The following BBS9 variants were observed in gnomAD, a reference collection of about 807,000 sequenced individuals.
The protein encoded by BBS9 is Bardet-Biedl syndrome 9.
In BBS9, 89 loss-of-function variants were observed where a neutral mutation model predicts 117.7. That is an observed-to-expected ratio of 0.76 (90% CI 0.64 to 0.90). The LOEUF (loss-of-function observed/expected upper bound fraction) is 0.90. Ranked by LOEUF, BBS9 falls within the 40% of genes least tolerant of loss-of-function variation. BBS9 has a pLI of 0.00. For synonymous variants in BBS9, 379 were observed against 370.9 expected, an observed-to-expected ratio of 1.02 and a Z score of -0.25; for missense variants, 982 against 1,042.2, an observed-to-expected ratio of 0.94 and a Z score of 0.80.
intron 19 of BBS9, among the ~76,000 whole-genome samples, chr7:33,504,197 T>A (rs1275694479): frequency 1.3e-5 from 2 of 152,238 alleles, no homozygotes; most frequent in South Asian, 2.1e-4. Flanking sequence ...CGTTTAAACT[T>A]CCATGCCTCC....
rs562654347 is a variant in BBS9 at position 33,142,004 on chromosome 7, C to T, written c.-11-4238C>T. Among the ~76,000 whole-genome samples, 13 of 151,908 alleles carry T rather than the reference C, an allele frequency of 8.6e-5. No homozygotes were observed. In the South Asian group the frequency reaches 2.1e-3, roughly 24 times the overall value. ...AGGCCGGACTGCAGTGGTGCTATCT[C>T]GGCTCACTGCAAGCTCTGCCTCCCG... On this transcript the variant is annotated intron_variant, in intron 1 of 22. Coordinates refer to ENST00000242067, the MANE Select transcript of BBS9 (RefSeq NM_198428.3).
chr7:33,344,716 T>A, intron 12 of BBS9, 82 bp downstream of exon 12: 2 of 1,379,254 alleles, frequency 1.5e-6, no homozygotes, highest in Non-Finnish European at 2.1e-6. Context: ...AACTTGTAAG[T>A]AGCTTACAGA....
intron 5 of BBS9, among the ~76,000 whole-genome samples, chr7:33,221,891 A>G (rs1403613607): frequency 6.7e-6 from 1 of 149,446 alleles, no homozygotes; most frequent in Non-Finnish European, 1.5e-5. Flanking sequence ...GAAATGCTTA[A>G]AAATCATATA....
At chr7:33,197,281 G>A (rs1407830535) in intron 5 of BBS9, among the ~76,000 whole-genome samples, 1 of 152,038 alleles carries the variant, frequency 6.6e-6, no homozygotes, top group Non-Finnish European at 1.5e-5. Flanking sequence ...TTTTTAAACA[G>A]TGGAGTAATG....
chr7:33,507,495 C>T (rs894936677), intron 20 of BBS9, among the ~76,000 whole-genome samples: 9 of 152,154 alleles, frequency 5.9e-5, no homozygotes, highest in African/African-American at 1.9e-4. Context: ...CCTTCTGCCT[C>T]GGCCTCCCAA....
intron 19 of BBS9, among the ~76,000 whole-genome samples, chr7:33,484,481 G>A (rs1842844532): frequency 6.6e-6 from 1 of 151,806 alleles, no homozygotes; most frequent in Admixed American, 6.6e-5. Flanking sequence ...TTGCTTTTTT[G>A]TTTTTTGTTG....
At chr7:33,602,945 T>G (rs1864021837) in intron 21 of BBS9, among the ~76,000 whole-genome samples, 1 of 152,164 alleles carries the variant, frequency 6.6e-6, no homozygotes, top group African/African-American at 2.4e-5. Context: ...TGATAATCTA[T>G]AGCAACTGGC....
intron 21 of BBS9, among the ~76,000 whole-genome samples, chr7:33,630,953 G>C (rs1329214407): frequency 6.6e-6 from 1 of 152,172 alleles, no homozygotes; most frequent in African/African-American, 2.4e-5. Flanking sequence ...ACAGCCAAGT[G>C]GGGGGAAATA....
At chr7:33,131,942 G>C (rs1244351251) in intron 1 of BBS9, among the ~76,000 whole-genome samples, 1 of 152,174 alleles carries the variant, frequency 6.6e-6, no homozygotes, top group Non-Finnish European at 1.5e-5. Flanking sequence ...GTCAAGTGAA[G>C]AGTATAGAAG....
chr7:33,508,986 G>T (rs749014988), intron 20 of BBS9, among the ~76,000 whole-genome samples: 1 of 152,176 alleles, frequency 6.6e-6, no homozygotes, highest in Non-Finnish European at 1.5e-5. Flanking sequence ...TACCCTGCCT[G>T]TACATTCTCT....
intron 19 of BBS9, among the ~76,000 whole-genome samples, chr7:33,504,148 G>C (rs931497750): frequency 6.6e-6 from 1 of 152,114 alleles, no homozygotes; most frequent in African/African-American, 2.4e-5. Context: ...ACAGTACTAG[G>C]CACATAGCAA....
intron 21 of BBS9, among the ~76,000 whole-genome samples, chr7:33,585,644 A>G (rs1271701403): frequency 6.6e-6 from 1 of 152,116 alleles, no homozygotes; most frequent in East Asian, 1.9e-4. Flanking sequence ...CTAGCACATA[A>G]GTGCTAAAAA....
At chr7:33,577,643 G>C (rs986412143) in intron 21 of BBS9, among the ~76,000 whole-genome samples, 5 of 152,110 alleles carry the variant, frequency 3.3e-5, no homozygotes, top group Non-Finnish European at 7.4e-5. Context: ...CAAAGACTTG[G>C]AACCAACCCA....
rs1011180438 is a variant in BBS9, at chr7:33,463,793, T to G, written c.2116-41670T>G. On this transcript the variant is annotated intron_variant, in intron 19 of 22. Coordinates refer to ENST00000242067, the MANE Select transcript of BBS9 (RefSeq NM_198428.3). The stretch of plus-strand genomic sequence containing the variant: ...AATGTAAAGTTCCTACATTCACTTA[T>G]GGAAATATTAAACTTAAAATTTAAA... Among the ~76,000 whole-genome samples the G allele has an allele frequency of 3.3e-5, 5 of 152,230 alleles. No homozygotes were observed. In the East Asian group the frequency reaches 9.7e-4, roughly 29 times the overall value.
chr7:33,558,407 T>A (rs1273847512), intron 21 of BBS9, among the ~76,000 whole-genome samples: 1 of 151,944 alleles, frequency 6.6e-6, no homozygotes, highest in African/African-American at 2.4e-5. Context: ...ATGCACTTGA[T>A]GGGCTTGGGC....
intron 19 of BBS9, among the ~76,000 whole-genome samples, chr7:33,398,401 C>G (rs1828357076): frequency 6.6e-6 from 1 of 152,150 alleles, no homozygotes; most frequent in South Asian, 2.1e-4. Context: ...AGTTAGATAA[C>G]TGAATGGTAT....
At chr7:33,570,461 A>G (rs1857596229) in intron 21 of BBS9, among the ~76,000 whole-genome samples, 1 of 152,372 alleles carries the variant, frequency 6.6e-6, no homozygotes, top group Middle Eastern at 3.4e-3. Flanking sequence ...GCTATTCCTT[A>G]CAGTAAAATT....
At chr7:33,371,212 T>C (rs1314860606) in intron 17 of BBS9, among the ~76,000 whole-genome samples, 1 of 152,190 alleles carries the variant, frequency 6.6e-6, no homozygotes, top group Non-Finnish European at 1.5e-5. Flanking sequence ...GTTTATATAA[T>C]TATAAAGATT....
intron 21 of BBS9, among the ~76,000 whole-genome samples, chr7:33,629,334 G>A (rs1318116241): frequency 6.6e-6 from 1 of 152,056 alleles, no homozygotes; most frequent in Admixed American, 6.5e-5. Flanking sequence ...ACTCTTGTGT[G>A]AGCTCATTTA....
Sources: allele counts gnomAD v4.1 joint callset (sites outside exome capture counted in the v4.1 genomes callset), GRCh38; gene constraint gnomAD v4.1.1; transcripts MANE v1.5; gene names NCBI Gene and HGNC (gene_info 2026-07-23, HGNC 2026-07-21).